CCSER1: variants seen among roughly 807,000 people sequenced by gnomAD.
CCSER1 encodes serine-rich coiled-coil domain-containing protein 1.
In CCSER1, 41 loss-of-function variants were observed where a neutral mutation model predicts 82.0. That is an observed-to-expected ratio of 0.50 (90% confidence interval 0.39 to 0.65). The LOEUF is 0.65. Among genes scored for constraint, CCSER1 ranks in the 30% least tolerant of loss-of-function variants. The pLI, the probability that CCSER1 is intolerant of heterozygous loss-of-function variation, is 0.00. For synonymous variants in CCSER1, 414 were observed against 383.9 expected, an observed-to-expected ratio of 1.08 and a Z score of -0.92; for missense variants, 1,119 against 1,064.2, an observed-to-expected ratio of 1.05 and a Z score of -0.72.
chr4:90,146,635 G>A (rs1331590036), intron 1 of CCSER1, among the ~76,000 whole-genome samples: 1 of 151,914 alleles, frequency 6.6e-6, no homozygotes, highest in Non-Finnish European at 1.5e-5. Flanking sequence ...ATCGAAATTG[G>A]CTTAGTGTAA....
chr4:90,742,034 T>C (rs1746634679), intron 7 of CCSER1, among the ~76,000 whole-genome samples: 1 of 152,024 alleles, frequency 6.6e-6, no homozygotes, highest in Non-Finnish European at 1.5e-5. Context: ...CTTAAAATCA[T>C]GGCATAAGGG....
intron 10 of CCSER1, among the ~76,000 whole-genome samples, chr4:91,132,992 C>T (rs1035197468): frequency 5.9e-5 from 9 of 152,078 alleles, no homozygotes; most frequent in African/African-American, 2.2e-4. Flanking sequence ...TTGATTTTGT[C>T]AGGGCTTTAT....
chr4:90,889,065 G>A (rs56256314), intron 8 of CCSER1, among the ~76,000 whole-genome samples: 3,891 of 152,090 alleles, frequency 0.026, 142 homozygotes, highest in African/African-American at 0.088. Flanking sequence ...GTAAAAGAAC[G>A]GAAGAAATCA....
chr4:91,106,088 C>A (rs931762017), intron 10 of CCSER1, among the ~76,000 whole-genome samples: 3 of 152,110 alleles, frequency 2.0e-5, no homozygotes, highest in Non-Finnish European at 2.9e-5. Context: ...AGGACTGTGG[C>A]AAGATACATT....
Position 91,559,460 on chromosome 4 carries a change from C to T in CCSER1, c.2218-39112C>T, listed in dbSNP as rs534757280. Among the ~76,000 whole-genome samples, 356 of 151,528 alleles carry T rather than the reference C, an allele frequency of 2.3e-3. 2 individuals are homozygous for T. Among genetic ancestry groups the T allele is most frequent in the Non-Finnish European group, 3.6e-3 (241 of 67,622 alleles). On this transcript the variant is annotated intron_variant, in intron 10 of 10. Transcript: ENST00000509176. ...ATTAAGATGAAGGAATATTTTTCCCCCTGGGATATTTCAGCTCTCCTAGCA... is the reference window on the plus strand; with the variant it reads ...ATTAAGATGAAGGAATATTTTTCCCTCTGGGATATTTCAGCTCTCCTAGCA...
chr4:91,431,333 G>A (rs1329293395), intron 10 of CCSER1, among the ~76,000 whole-genome samples: 1 of 152,148 alleles, frequency 6.6e-6, no homozygotes, highest in African/African-American at 2.4e-5. Flanking sequence ...ACTATAAACT[G>A]TGAAATGCTT....
chr4:90,818,608 T>C (rs547174544), intron 8 of CCSER1, among the ~76,000 whole-genome samples: 71 of 152,282 alleles, frequency 4.7e-4, no homozygotes, highest in Non-Finnish European at 8.4e-4. Context: ...TAAATGCAAG[T>C]GTTTTAGTCA....
chr4:90,638,262 CAT>C (rs1342467377), intron 6 of CCSER1, among the ~76,000 whole-genome samples: 5 of 152,050 alleles, frequency 3.3e-5, no homozygotes, highest in South Asian at 2.1e-4. Context: ...AATCTCAAAT[CAT>C]GTGGTTGTTG....
chr4:90,157,964 T>A (rs1432685774), intron 1 of CCSER1, among the ~76,000 whole-genome samples: 1 of 152,184 alleles, frequency 6.6e-6, no homozygotes, highest in African/African-American at 2.4e-5. Flanking sequence ...TTTTTAGAGT[T>A]TCCAGTTTTT....
At chr4:91,279,981 G>A (rs1211777735) in intron 10 of CCSER1, among the ~76,000 whole-genome samples, 1 of 152,204 alleles carries the variant, frequency 6.6e-6, no homozygotes, top group Non-Finnish European at 1.5e-5. Context: ...ATGTGCCGTA[G>A]TATAGTCTCT....
chr4:91,090,814 G>A (rs771048048), intron 10 of CCSER1, among the ~76,000 whole-genome samples: 11 of 152,174 alleles, frequency 7.2e-5, no homozygotes, highest in Non-Finnish European at 1.0e-4. Context: ...ACTGGCTCTG[G>A]AGAGCATTTT....
chr4:90,811,995 C>CACACACATATATATATAT (rs367800484), intron 7 of CCSER1, among the ~76,000 whole-genome samples: 3 of 142,778 alleles, frequency 2.1e-5, no homozygotes, highest in Non-Finnish European at 4.5e-5. Flanking sequence ...TATATAAACA[C>CACACACATATATATATAT]ATATATATAT....
intron 6 of CCSER1, among the ~76,000 whole-genome samples, chr4:90,697,620 C>T (rs1202569965): frequency 1.3e-5 from 2 of 152,124 alleles, no homozygotes; most frequent in Non-Finnish European, 2.9e-5. Context: ...TCCGCATAAA[C>T]CTTTAGTGAG....
At chr4:91,193,498 T>G (rs1735167583) in intron 10 of CCSER1, among the ~76,000 whole-genome samples, 1 of 152,174 alleles carries the variant, frequency 6.6e-6, no homozygotes, top group Non-Finnish European at 1.5e-5. Flanking sequence ...CTTAGATAAA[T>G]TACGTAATCT....
intron 8 of CCSER1, among the ~76,000 whole-genome samples, chr4:90,820,344 A>G (rs1759574948): frequency 6.6e-6 from 1 of 152,220 alleles, no homozygotes; most frequent in African/African-American, 2.4e-5. Flanking sequence ...ATTTATAAAA[A>G]CAGAAATATA....
intron 10 of CCSER1, among the ~76,000 whole-genome samples, chr4:91,514,235 G>C (rs1759980029): frequency 1.3e-5 from 2 of 152,120 alleles, no homozygotes; most frequent in African/African-American, 4.8e-5. Flanking sequence ...TCAGAAGCAA[G>C]TTGTTTAATT....
chr4:90,760,244 T>A (rs1380628902), intron 7 of CCSER1, among the ~76,000 whole-genome samples: 1 of 152,016 alleles, frequency 6.6e-6, no homozygotes, highest in Non-Finnish European at 1.5e-5. Flanking sequence ...GTTCTGTTCA[T>A]GTATTATATG....
In CCSER1 at chr4:91,511,579, C is replaced by T. The variant is rs145482044; in HGVS notation, c.2218-86993C>T. On this transcript the variant is annotated intron_variant, in intron 10 of 10. Coordinates refer to ENST00000509176, the MANE Select transcript of CCSER1 (RefSeq NM_001145065.2). ...GATTCATCTGTTTTTACAGCCACTA[C>T]GCATCACTCATATTACTGCCTGAGC... Among the ~76,000 whole-genome samples, 104 of 152,274 alleles carry T rather than the reference C, an allele frequency of 6.8e-4. 1 individual carries two copies. The highest frequency in any genetic ancestry group is 2.2e-3 in the African/African-American group (91 of 41,572).
chr4:91,449,227 T>C (rs1274557239), intron 10 of CCSER1, among the ~76,000 whole-genome samples: 2 of 152,054 alleles, frequency 1.3e-5, no homozygotes, highest in African/African-American at 2.4e-5. Flanking sequence ...CACTCCTCTA[T>C]GCTCCTGAAG....
Sources: gnomAD v4.1 joint callset for allele counts (sites outside exome capture counted in the v4.1 genomes callset) on GRCh38, gnomAD v4.1.1 for gene constraint, MANE v1.5 for transcripts, NCBI Gene and HGNC (gene_info 2026-07-23, HGNC 2026-07-21) for gene names.